Variants in PPARGC1A observed in about 807,000 individuals in gnomAD.
PPARGC1A encodes PPARG coactivator 1 alpha.
In PPARGC1A, 25 loss-of-function variants were observed where a neutral mutation model predicts 88.7. That is an observed-to-expected ratio of 0.28 (90% CI 0.21 to 0.39). The LOEUF (loss-of-function observed/expected upper bound fraction) is 0.39. PPARGC1A is among the 10% of genes least tolerant of loss of function. The pLI, the probability that PPARGC1A is intolerant of heterozygous loss-of-function variation, is 1.00. For missense variants in PPARGC1A, 880 were observed against 968.7 expected, an observed-to-expected ratio of 0.91 and a Z score of 1.22; for synonymous variants, 363 against 355.6, an observed-to-expected ratio of 1.02 and a Z score of -0.24.
chr4:23,871,600 C>T (rs910473880), intron 2 of PPARGC1A, among the ~76,000 whole-genome samples: 3 of 152,088 alleles, frequency 2.0e-5, no homozygotes, highest in African/African-American at 7.2e-5. Context: ...TGGCAAGACA[C>T]AAGAGGATTC....
the PPARGC1A span, among the ~76,000 whole-genome samples, chr4:24,121,555 C>T: frequency 3.9e-5 from 6 of 152,108 alleles, no homozygotes; most frequent in African/African-American, 1.4e-4. Flanking sequence ...GACACAGGAG[C>T]CACTCCTGCC....
At chr4:24,042,150 G>T in the PPARGC1A span, among the ~76,000 whole-genome samples, 12 of 152,280 alleles carry the variant, frequency 7.9e-5, no homozygotes, top group South Asian at 2.5e-3. Flanking sequence ...ATCTCTGAAA[G>T]AGATTTCTTA....
chr4:23,961,302 T>C, the PPARGC1A span, among the ~76,000 whole-genome samples: 1 of 152,138 alleles, frequency 6.6e-6, no homozygotes, highest in Non-Finnish European at 1.5e-5. Flanking sequence ...AACTGGAGGA[T>C]CAGGGAAGAG....
chr4:24,296,579 A>C, the PPARGC1A span, among the ~76,000 whole-genome samples: 5 of 152,090 alleles, frequency 3.3e-5, no homozygotes, highest in Admixed American at 6.6e-5. Flanking sequence ...TAATTTCAAC[A>C]TGGTTGGTGG....
chr4:23,826,286 T>C (rs1352252009), intron 5 of PPARGC1A, among the ~76,000 whole-genome samples: 2 of 152,118 alleles, frequency 1.3e-5, no homozygotes, highest in Non-Finnish European at 2.9e-5. Flanking sequence ...TAGAGGAGTA[T>C]TGATTTGGTT....
the PPARGC1A span, among the ~76,000 whole-genome samples, chr4:24,026,854 G>A: frequency 0.18 from 26,972 of 152,066 alleles, 2,691 homozygotes; most frequent in Admixed American, 0.3. Context: ...GAGAACTCGC[G>A]CTGCAGGACT....
chr4:24,422,773 A>G, the PPARGC1A span, among the ~76,000 whole-genome samples: 7 of 152,190 alleles, frequency 4.6e-5, no homozygotes, highest in African/African-American at 1.7e-4. Flanking sequence ...TTCCATAATC[A>G]TGCACAAATT....
upstream of PPARGC1A, among the ~76,000 whole-genome samples, chr4:23,904,307 G>T (rs898129548): frequency 1.3e-5 from 2 of 152,166 alleles, no homozygotes; most frequent in Non-Finnish European, 2.9e-5. Flanking sequence ...TGAGACAGGT[G>T]GTTCCCTTTC....
chr4:24,170,118 C>T, the PPARGC1A span, among the ~76,000 whole-genome samples: 1 of 152,142 alleles, frequency 6.6e-6, no homozygotes, highest in Non-Finnish European at 1.5e-5. Flanking sequence ...AAAAGGAAGG[C>T]TTTAAAAATA....
the PPARGC1A span, among the ~76,000 whole-genome samples, chr4:23,997,964 G>A: frequency 6.6e-6 from 1 of 152,156 alleles, no homozygotes; most frequent in Non-Finnish European, 1.5e-5. Context: ...CTAGATCTAT[G>A]ATATTCTTCG....
At chr4:24,270,081 G>A in the PPARGC1A span, among the ~76,000 whole-genome samples, 1 of 152,126 alleles carries the variant, frequency 6.6e-6, no homozygotes, top group Admixed American at 6.5e-5. Flanking sequence ...CCTCAGTGTG[G>A]GCTGTGTTCC....
the PPARGC1A span, among the ~76,000 whole-genome samples, chr4:24,091,178 T>A: frequency 6.6e-6 from 1 of 152,264 alleles, no homozygotes; most frequent in Non-Finnish European, 1.5e-5. Context: ...TTTCCCTTGA[T>A]ATACACCTGC....
At chr4:23,906,607 CA>C (rs35171233), upstream of PPARGC1A, among the ~76,000 whole-genome samples, 8,068 of 63,742 alleles carry the variant, frequency 0.13, 168 homozygotes, top group African/African-American at 0.19. Context: ...CTCTGTCTCA[CA>C]AAAAAAAAAA....
At chr4:24,164,256 C>A in the PPARGC1A span, among the ~76,000 whole-genome samples, 2 of 152,074 alleles carry the variant, frequency 1.3e-5, no homozygotes, top group Non-Finnish European at 2.9e-5. Context: ...GGCTGGTACC[C>A]GATGCAGAAG....
the PPARGC1A span, among the ~76,000 whole-genome samples, chr4:23,923,586 T>C: frequency 3.0e-4 from 45 of 151,996 alleles, 1 homozygote; most frequent in Admixed American, 1.9e-3. Flanking sequence ...AAAGAAAGAA[T>C]GAAATGATTG....
At chr4:23,860,399 T>C (rs1345464712) in intron 2 of PPARGC1A, among the ~76,000 whole-genome samples, 1 of 152,108 alleles carries the variant, frequency 6.6e-6, no homozygotes, top group Non-Finnish European at 1.5e-5. Flanking sequence ...AGAGATCTAA[T>C]GTACCACATG....
chr4:24,175,941 GCA>G, the PPARGC1A span, among the ~76,000 whole-genome samples: 1 of 152,094 alleles, frequency 6.6e-6, no homozygotes, highest in Non-Finnish European at 1.5e-5. Flanking sequence ...GCAGCCCTGA[GCA>G]CAGAGTCAAC....
chr4:24,268,843 T>C, the PPARGC1A span, among the ~76,000 whole-genome samples: 2 of 152,226 alleles, frequency 1.3e-5, no homozygotes, highest in Non-Finnish European at 2.9e-5. Context: ...TTATACTTCA[T>C]TGATTCATTA....
chr4:23,985,191 C>T, the PPARGC1A span, among the ~76,000 whole-genome samples: 1 of 152,020 alleles, frequency 6.6e-6, no homozygotes, highest in Non-Finnish European at 1.5e-5. Flanking sequence ...TGAAGACTAC[C>T]AAACAAATGG....
Sources: gnomAD v4.1 joint callset for allele counts (sites outside exome capture counted in the v4.1 genomes callset) on GRCh38, gnomAD v4.1.1 for gene constraint, MANE v1.5 for transcripts, NCBI Gene and HGNC (gene_info 2026-07-23, HGNC 2026-07-21) for gene names.